The following QTMAN variants were observed in gnomAD, a reference collection of about 807,000 sequenced individuals.
QTMAN encodes the protein tRNA-queuosine alpha-mannosyltransferase.
chr2:144,164,209 C>G, the QTMAN span, among the ~76,000 whole-genome samples: 1 of 152,090 alleles, frequency 6.6e-6, no homozygotes, highest in Admixed American at 6.6e-5. Flanking sequence ...CAGCTGTGAG[C>G]CACTGCACCT....
the QTMAN span, among the ~76,000 whole-genome samples, chr2:144,281,796 C>T: frequency 6.6e-5 from 10 of 152,244 alleles, no homozygotes; most frequent in Non-Finnish European, 1.2e-4. Context: ...CAGAAGAAAG[C>T]AAACCTGCCA....
chr2:144,272,153 T>G, the QTMAN span, among the ~76,000 whole-genome samples: 20 of 152,294 alleles, frequency 1.3e-4, no homozygotes, highest in African/African-American at 4.6e-4. Context: ...AAATTAATAT[T>G]TAGTGAAACT....
chr2:143,960,819 A>C, the QTMAN span, among the ~76,000 whole-genome samples: 1 of 152,128 alleles, frequency 6.6e-6, no homozygotes, highest in Non-Finnish European at 1.5e-5. Flanking sequence ...TGAAAAAAAA[A>C]ATACAGGTAG....
At chr2:144,238,305 T>C in the QTMAN span, among the ~76,000 whole-genome samples, 3 of 152,206 alleles carry the variant, frequency 2.0e-5, no homozygotes, top group South Asian at 2.1e-4. Context: ...GAAACAACTA[T>C]GTAGATATGC....
chr2:144,180,312 AT>A, the QTMAN span, among the ~76,000 whole-genome samples: 1 of 152,114 alleles, frequency 6.6e-6, no homozygotes, highest in Non-Finnish European at 1.5e-5. Flanking sequence ...GGAAACCAAG[AT>A]TTTTTGGGAG....
chr2:143,987,762 G>A, the QTMAN span, among the ~76,000 whole-genome samples: 4 of 152,330 alleles, frequency 2.6e-5, no homozygotes, highest in Admixed American at 6.5e-5. Context: ...AATGCAATGA[G>A]AAGACAAACA....
At chr2:144,208,609 T>C in the QTMAN span, 1 of 1,612,820 alleles carries the variant, frequency 6.2e-7, no homozygotes, top group Admixed American at 1.7e-5. Context: ...TTACCTGTAA[T>C]GCTCACTGAT....
chr2:144,021,292 C>A, the QTMAN span, among the ~76,000 whole-genome samples: 6 of 152,140 alleles, frequency 3.9e-5, no homozygotes, highest in Admixed American at 6.5e-5. Flanking sequence ...TGGAACATGA[C>A]CTCAAGCTTT....
At chr2:144,022,113 T>C in the QTMAN span, among the ~76,000 whole-genome samples, 2 of 152,282 alleles carry the variant, frequency 1.3e-5, no homozygotes, top group Admixed American at 6.5e-5. Context: ...TAAAACTAAA[T>C]ACATGAATTA....
chr2:144,174,934 A>G, the QTMAN span, among the ~76,000 whole-genome samples: 52 of 152,316 alleles, frequency 3.4e-4, no homozygotes, highest in African/African-American at 1.3e-3. Flanking sequence ...AACCAAAAAC[A>G]GTGAGGGAAT....
chr2:144,322,967 A>G, the QTMAN span, among the ~76,000 whole-genome samples: 1 of 152,204 alleles, frequency 6.6e-6, no homozygotes, highest in East Asian at 1.9e-4. Flanking sequence ...GAAGCTGACA[A>G]TAGCACAGCA....
chr2:144,110,091 C>T, the QTMAN span, among the ~76,000 whole-genome samples: 1 of 152,162 alleles, frequency 6.6e-6, no homozygotes, highest in South Asian at 2.1e-4. Flanking sequence ...CACATGCACA[C>T]GTATGTTTAT....
chr2:144,181,915 T>A, the QTMAN span, among the ~76,000 whole-genome samples: 1 of 152,130 alleles, frequency 6.6e-6, no homozygotes, highest in Non-Finnish European at 1.5e-5. Flanking sequence ...CATATCCAAT[T>A]AAACACATGA....
chr2:144,137,712 GGA>G, the QTMAN span, among the ~76,000 whole-genome samples: 1 of 151,936 alleles, frequency 6.6e-6, no homozygotes, highest in Non-Finnish European at 1.5e-5. Flanking sequence ...AATAAGAAGA[GGA>G]GAGAGAGAAA....
chr2:144,229,440 T>C, the QTMAN span, among the ~76,000 whole-genome samples: 1 of 152,236 alleles, frequency 6.6e-6, no homozygotes, highest in Non-Finnish European at 1.5e-5. Flanking sequence ...TAAAGAACCA[T>C]GTTCTTCACA....
the QTMAN span, among the ~76,000 whole-genome samples, chr2:144,138,895 A>G: frequency 2.6e-5 from 4 of 152,118 alleles, no homozygotes; most frequent in African/African-American, 4.8e-5. Context: ...GAACATGCTA[A>G]TAAGTATGAC....
the QTMAN span, among the ~76,000 whole-genome samples, chr2:144,217,802 G>A: frequency 1.1e-4 from 16 of 152,240 alleles, no homozygotes; most frequent in Non-Finnish European, 2.2e-4. Context: ...GGAGTAGAAG[G>A]TGAAGAAGTC....
the QTMAN span, chr2:144,211,711 T>C: frequency 2.0e-5 from 3 of 152,478 alleles, no homozygotes; most frequent in Non-Finnish European, 4.4e-5. Flanking sequence ...TTGAGTTTTG[T>C]TTTAGAAAAC....
chr2:144,001,437 C>T, the QTMAN span, among the ~76,000 whole-genome samples: 3 of 151,884 alleles, frequency 2.0e-5, no homozygotes, highest in Non-Finnish European at 4.4e-5. Flanking sequence ...ATCAACTTTG[C>T]ATAAGCTGAT....
Sources: allele counts gnomAD v4.1 joint callset (sites outside exome capture counted in the v4.1 genomes callset), GRCh38; gene constraint gnomAD v4.1.1; transcripts MANE v1.5; gene names NCBI Gene and HGNC (gene_info 2026-07-23, HGNC 2026-07-21).